The following COMMD1 variants were observed in gnomAD, a reference collection of about 807,000 sequenced individuals.
COMMD1 encodes COMM domain-containing protein 1.
COMMD1 carries 10 observed loss-of-function variants against 17.2 expected under a neutral mutation model. That is an observed-to-expected ratio of 0.58 (90% confidence interval 0.36 to 0.99). The LOEUF (loss-of-function observed/expected upper bound fraction) is 0.99, where lower values mean the gene tolerates loss of function less well. COMMD1 is among the 50% of genes least tolerant of loss of function. The pLI is 0.01. For synonymous variants in COMMD1, 97 were observed against 91.6 expected (o/e 1.06, Z -0.34); for missense variants, 270 against 231.8 (o/e 1.17, Z -1.07).
chr2:62,101,825 C>A (rs149634910), intron 2 of COMMD1, among the ~76,000 whole-genome samples: 9 of 152,152 alleles, frequency 5.9e-5, no homozygotes, highest in Admixed American at 1.3e-4. Flanking sequence ...TCAGTGTGCT[C>A]GTCACCTTGG....
chr2:62,020,626 C>G (rs777874610), intron 2 of COMMD1, among the ~76,000 whole-genome samples: 4 of 152,180 alleles, frequency 2.6e-5, no homozygotes, highest in Non-Finnish European at 4.4e-5. Flanking sequence ...AAAAGTCACA[C>G]CTAAAAATCT....
intron 1 of COMMD1, among the ~76,000 whole-genome samples, chr2:61,911,747 C>T (rs937095006): frequency 6.6e-6 from 1 of 152,132 alleles, no homozygotes; most frequent in Non-Finnish European, 1.5e-5. Context: ...TAAAAAAGTG[C>T]GTTATACCTC....
chr2:61,982,437 C>G (rs1343461634), intron 1 of COMMD1, among the ~76,000 whole-genome samples: 2 of 152,108 alleles, frequency 1.3e-5, no homozygotes, highest in Non-Finnish European at 2.9e-5. Context: ...CAAAAAAGAA[C>G]AGTTTGACTT....
At chr2:62,071,030 C>CA (rs1005332722) in intron 2 of COMMD1, among the ~76,000 whole-genome samples, 2 of 151,646 alleles carry the variant, frequency 1.3e-5, no homozygotes, top group Non-Finnish European at 2.9e-5. Flanking sequence ...GACTCCATCT[C>CA]AAAAAAAGAG....
upstream of COMMD1, among the ~76,000 whole-genome samples, chr2:61,904,089 C>A (rs2105167502): frequency 6.6e-6 from 1 of 152,244 alleles, no homozygotes; most frequent in East Asian, 1.9e-4. Flanking sequence ...CGGCTCACTG[C>A]AAGCTCCACC....
At chr2:62,015,259 TAAA>T (rs1669405036) in intron 2 of COMMD1, among the ~76,000 whole-genome samples, 2 of 152,340 alleles carry the variant, frequency 1.3e-5, no homozygotes, top group Admixed American at 1.3e-4. Flanking sequence ...GTACCTCATA[TAAA>T]TAGAACCACA....
chr2:61,900,146 A>T (rs983260189), intron 1 of COMMD1, among the ~76,000 whole-genome samples: 1 of 152,220 alleles, frequency 6.6e-6, no homozygotes, highest in African/African-American at 2.4e-5. Flanking sequence ...CACAAACCCA[A>T]GGAACTTTGA....
At chr2:62,129,951 G>T (rs1672980849) in intron 2 of COMMD1, among the ~76,000 whole-genome samples, 1 of 152,102 alleles carries the variant, frequency 6.6e-6, no homozygotes, top group Non-Finnish European at 1.5e-5. Flanking sequence ...CGAGGCGGGT[G>T]GATCACGAGG....
intron 1 of COMMD1, among the ~76,000 whole-genome samples, chr2:61,943,758 T>C (rs1000775111): frequency 9.2e-5 from 14 of 152,010 alleles, no homozygotes; most frequent in Non-Finnish European, 2.1e-4. Flanking sequence ...TTGCTTGAAC[T>C]CGGGAGGCAG....
chr2:62,048,929 G>A (rs768198919), intron 2 of COMMD1, among the ~76,000 whole-genome samples: 5 of 152,040 alleles, frequency 3.3e-5, no homozygotes, highest in Non-Finnish European at 7.4e-5. Flanking sequence ...TGTGCCTCCT[G>A]TTACAAGAGT....
chr2:61,955,699 T>G (rs1376669676), intron 1 of COMMD1, among the ~76,000 whole-genome samples: 4 of 152,166 alleles, frequency 2.6e-5, no homozygotes, highest in Non-Finnish European at 4.4e-5. Flanking sequence ...TTGATATTTT[T>G]TTTGAGATGG....
intron 1 of COMMD1, among the ~76,000 whole-genome samples, chr2:61,985,090 G>A (rs544688749): frequency 4.2e-5 from 6 of 144,132 alleles, no homozygotes; most frequent in South Asian, 4.3e-4. Context: ...TCGCTCTGTC[G>A]CCCAGGCTGG....
At chr2:61,920,370 G>A (rs1306031205) in intron 1 of COMMD1, among the ~76,000 whole-genome samples, 1 of 151,834 alleles carries the variant, frequency 6.6e-6, no homozygotes, top group Non-Finnish European at 1.5e-5. Context: ...CAACAGTACT[G>A]CAGAGAGAGT....
At chr2:62,095,958 A>T (rs1671998103) in intron 2 of COMMD1, among the ~76,000 whole-genome samples, 1 of 149,784 alleles carries the variant, frequency 6.7e-6, no homozygotes. Context: ...TGTATATAAA[A>T]ATCTGGGTTA....
At chr2:61,947,648 A>G (rs1156647965) in intron 1 of COMMD1, among the ~76,000 whole-genome samples, 1 of 151,732 alleles carries the variant, frequency 6.6e-6, no homozygotes, top group East Asian at 1.9e-4. Context: ...GCGCCACTGC[A>G]CTCCAGCATG....
intron 1 of COMMD1, among the ~76,000 whole-genome samples, chr2:61,914,231 G>T (rs563016480): frequency 6.6e-6 from 1 of 152,150 alleles, no homozygotes; most frequent in South Asian, 2.1e-4. Flanking sequence ...TTTGAAGTTG[G>T]TTACTTGATA....
chr2:62,125,177 A>T (rs1438892044), intron 2 of COMMD1, among the ~76,000 whole-genome samples: 1 of 152,116 alleles, frequency 6.6e-6, no homozygotes, highest in Non-Finnish European at 1.5e-5. Context: ...TTTCTAGGAG[A>T]TTGTGAGAAT....
intron 2 of COMMD1, among the ~76,000 whole-genome samples, chr2:62,059,948 G>A (rs556030050): frequency 1.3e-5 from 2 of 152,016 alleles, no homozygotes; most frequent in South Asian, 2.1e-4. Context: ...AATTTTGGGG[G>A]GGGAATTCCA....
intron 1 of COMMD1, among the ~76,000 whole-genome samples, chr2:61,966,041 A>G (rs1417446584): frequency 6.6e-6 from 1 of 152,190 alleles, no homozygotes; most frequent in African/African-American, 2.4e-5. Flanking sequence ...TATACATCAG[A>G]GCTGTTCCCA....
Sources: allele counts gnomAD v4.1 joint callset (sites outside exome capture counted in the v4.1 genomes callset), GRCh38; gene constraint gnomAD v4.1.1; transcripts MANE v1.5; gene names NCBI Gene and HGNC (gene_info 2026-07-23, HGNC 2026-07-21).